ANKH: variants seen among roughly 807,000 people sequenced by gnomAD.
The protein encoded by ANKH is mineralization regulator ANKH.
ANKH carries 15 observed loss-of-function variants against 49.0 expected under a neutral mutation model. That is an observed-to-expected ratio of 0.31 (90% CI 0.20 to 0.47). ANKH has a LOEUF of 0.47. ANKH is among the 20% of genes least tolerant of loss of function. The probability of loss-of-function intolerance (pLI) is 1.00; values close to 1 mark genes in which losing one functional copy is unlikely to be tolerated. For synonymous variants in ANKH, 273 were observed against 260.0 expected, an observed-to-expected ratio of 1.05 and a Z score of -0.48; for missense variants, 429 against 652.0, an observed-to-expected ratio of 0.66 and a Z score of 3.72.
chr5:14,842,699 T>A lies in ANKH; in HGVS notation c.96+28653A>T, dbSNP rs536269849. 3.3e-5 allele frequency among the ~76,000 whole-genome samples: 5 copies of A among 152,268 alleles called. No homozygotes were observed. The East Asian group carries it at 9.6e-4, about 29-fold the overall frequency. On this transcript the variant is annotated intron_variant, in intron 1 of 11. Coordinates refer to ENST00000284268, the MANE Select transcript of ANKH (RefSeq NM_054027.6). ...TTTCTTGGGCTGGACTTGGAACAGA[T>A]GAAGGCTGCAGAGACAGGGAGTGGG... is the stretch of plus-strand genomic sequence containing the variant.
At chr5:14,809,354 A>AAG (rs1554007592) in intron 1 of ANKH, among the ~76,000 whole-genome samples, 2,157 of 130,040 alleles carry the variant, frequency 0.017, 19 homozygotes, top group South Asian at 0.046. Flanking sequence ...AAAAAAAAAA[A>AAG]AAAGAAAAAA....
chr5:14,810,162 T>C (rs1580086067), intron 1 of ANKH, among the ~76,000 whole-genome samples: 1 of 147,848 alleles, frequency 6.8e-6, no homozygotes, highest in African/African-American at 2.5e-5. Flanking sequence ...ACGATTGACT[T>C]TTTTTTTTTT....
chr5:14,716,663 T>C (rs1365566474), intron 9 of ANKH, 43 bp downstream of exon 9: 1 of 1,612,020 alleles, frequency 6.2e-7, no homozygotes, highest in Non-Finnish European at 8.5e-7. Context: ...TAATTAGGCA[T>C]GAGGATAAAC....
chr5:14,756,328 C>T (rs1738883668), intron 3 of ANKH, among the ~76,000 whole-genome samples: 1 of 152,198 alleles, frequency 6.6e-6, no homozygotes, highest in African/African-American at 2.4e-5. Flanking sequence ...ATAATGAGGG[C>T]TCTCATTTGG....
rs767368123 is a variant in ANKH at position 14,871,453 on chromosome 5, C to G, written c.-6G>C. Reference sequence around the variant, plus strand: ...AGCGCCGGGAATTTCACCATAGTCCCCGCCGTGGGCTGACCCCACACACAT... The same window carrying G: ...AGCGCCGGGAATTTCACCATAGTCCGCGCCGTGGGCTGACCCCACACACAT... On this transcript the variant is annotated 5_prime_UTR_variant, in exon 1 of 12. Coordinates refer to ENST00000284268, the MANE Select transcript of ANKH (RefSeq NM_054027.6). 116 of 1,611,150 alleles carry G rather than the reference C, an allele frequency of 7.2e-5. No individual in the cohort carries two copies. The highest frequency in any genetic ancestry group is 9.4e-5 in the Non-Finnish European group (111 of 1,178,374).
At chr5:14,811,176 G>A (rs1342703695) in intron 1 of ANKH, among the ~76,000 whole-genome samples, 1 of 148,552 alleles carries the variant, frequency 6.7e-6, no homozygotes, top group African/African-American at 2.6e-5. Context: ...CAGTCACTCG[G>A]CTTTCAAGAG....
chr5:14,859,182 CT>C (rs1460759358), intron 1 of ANKH, among the ~76,000 whole-genome samples: 3 of 152,194 alleles, frequency 2.0e-5, no homozygotes, highest in Non-Finnish European at 4.4e-5. Context: ...CTCCTCTCCC[CT>C]GGCCTCTGGT....
At chr5:14,714,683 T>C (rs1321575238) in intron 9 of ANKH, among the ~76,000 whole-genome samples, 3 of 152,218 alleles carry the variant, frequency 2.0e-5, no homozygotes, top group Non-Finnish European at 4.4e-5. Flanking sequence ...ACTGAGGTTT[T>C]TGACCAAAGG....
intron 1 of ANKH, among the ~76,000 whole-genome samples, chr5:14,815,215 T>C (rs1265743108): frequency 6.6e-6 from 1 of 152,228 alleles, no homozygotes; most frequent in Non-Finnish European, 1.5e-5. Context: ...GCAGAACCTC[T>C]GGGCTGATGT....
At chr5:14,846,480 C>T (rs1220981439) in intron 1 of ANKH, among the ~76,000 whole-genome samples, 1 of 152,234 alleles carries the variant, frequency 6.6e-6, no homozygotes, top group Admixed American at 6.5e-5. Context: ...TAATTAATAT[C>T]GTGATTTTTA....
chr5:14,865,305 G>T (rs1392891434), intron 1 of ANKH, among the ~76,000 whole-genome samples: 1 of 151,870 alleles, frequency 6.6e-6, no homozygotes, highest in Non-Finnish European at 1.5e-5. Flanking sequence ...ATAATAAATT[G>T]GCAGGAGATA....
chr5:14,713,777 G>T lies in ANKH; in HGVS notation c.1142-110C>A. 6.6e-7 allele frequency: 1 copy of T among 1,525,102 alleles called. No individual in the cohort carries two copies. The highest frequency in any genetic ancestry group is 9.0e-7 in the Non-Finnish European group (1 of 1,108,050). The allele number at this position is 1,525,102 out of a possible 1,614,324, so 94.5% of individuals were successfully genotyped here. ...AGAGCCAGGGGCTGCCTAGGACCCTGGCCTTGCTGTTGAGCCGCTGGCCAC... is the reference window on the plus strand; with the variant it reads ...AGAGCCAGGGGCTGCCTAGGACCCTTGCCTTGCTGTTGAGCCGCTGGCCAC... On this transcript the variant is annotated intron_variant, in intron 9 of 11. Coordinates refer to ENST00000284268, the MANE Select transcript of ANKH (RefSeq NM_054027.6). This position sits in a 1 kb window ranked among gnomAD's most constrained non-coding sequence, Gnocchi z 4.4.
At chr5:14,794,407 A>G (rs112552147) in intron 1 of ANKH, among the ~76,000 whole-genome samples, 1,748 of 152,344 alleles carry the variant, frequency 0.011, 38 homozygotes, top group African/African-American at 0.04. Flanking sequence ...GGCTAAAGAC[A>G]GCTCGGGGAG....
intron 9 of ANKH, among the ~76,000 whole-genome samples, chr5:14,716,076 A>G (rs1326164058): frequency 6.6e-6 from 1 of 152,360 alleles, no homozygotes; most frequent in South Asian, 2.1e-4. Context: ...TGAGAATTTC[A>G]GTACATGAAC....
intron 4 of ANKH, among the ~76,000 whole-genome samples, chr5:14,752,038 T>A (rs1337978730): frequency 1.3e-5 from 2 of 152,190 alleles, no homozygotes; most frequent in Non-Finnish European, 2.9e-5. Context: ...CTGGGTGCCA[T>A]GGCTCACACC....
chr5:14,851,759 A>G (rs567156315), intron 1 of ANKH, among the ~76,000 whole-genome samples: 53 of 152,246 alleles, frequency 3.5e-4, no homozygotes, highest in Non-Finnish European at 7.6e-4. Context: ...CAAAATTGAT[A>G]TGGTCCAATC....
intron 4 of ANKH, among the ~76,000 whole-genome samples, chr5:14,753,362 C>T (rs1038520355): frequency 2.0e-5 from 3 of 152,120 alleles, no homozygotes; most frequent in Non-Finnish European, 2.9e-5. Flanking sequence ...GCAGAAGCAC[C>T]GCGCAATTGG....
At chr5:14,858,730 TAAA>T in intron 1 of ANKH, among the ~76,000 whole-genome samples, 1 of 95,912 alleles carries the variant, frequency 1.0e-5, no homozygotes, top group Non-Finnish European at 2.2e-5. Context: ...AATAAATAAA[TAAA>T]TAAATAAATA....
intron 1 of ANKH, chr5:14,869,178 G>A (rs1188768568): frequency 6.6e-6 from 1 of 152,168 alleles, no homozygotes; most frequent in Non-Finnish European, 1.5e-5. Flanking sequence ...AAGAATTGGG[G>A]TAAAGTGTTC....
Sources: gnomAD v4.1 joint callset for allele counts (sites outside exome capture counted in the v4.1 genomes callset) on GRCh38, gnomAD v4.1.1 for gene constraint, Gnocchi (gnomAD v3.1) non-coding constraint, MANE v1.5 for transcripts, NCBI Gene and HGNC (gene_info 2026-07-23, HGNC 2026-07-21) for gene names.